KLHL1: variants seen among roughly 807,000 people sequenced by gnomAD.
KLHL1 encodes the protein kelch like family member 1.
Under a neutral mutation model 77.7 loss-of-function variants are expected in KLHL1, and 47 were observed. The ratio of observed to expected loss-of-function variants is 0.60; its 90% CI spans 0.48 to 0.77. KLHL1 has a LOEUF of 0.77. Among genes scored for constraint, KLHL1 ranks in the 30% least tolerant of loss-of-function variants. The probability of loss-of-function intolerance (pLI) is 0.00; values close to 1 mark genes in which losing one functional copy is unlikely to be tolerated. For synonymous variants in KLHL1, 360 were observed against 325.2 expected, an observed-to-expected ratio of 1.11 and a Z score of -1.15; for missense variants, 925 against 910.8, an observed-to-expected ratio of 1.02 and a Z score of -0.20.
intron 5 of KLHL1, among the ~76,000 whole-genome samples, chr13:69,853,537 G>A (rs1044491565): frequency 1.3e-5 from 2 of 151,922 alleles, no homozygotes; most frequent in African/African-American, 4.8e-5. Flanking sequence ...TTACACTTCT[G>A]TTCTTTACAC....
intron 5 of KLHL1, among the ~76,000 whole-genome samples, chr13:69,839,676 T>A (rs1203884759): frequency 1.3e-5 from 2 of 151,986 alleles, no homozygotes; most frequent in Non-Finnish European, 2.9e-5. Context: ...TTTAATTATA[T>A]AAGGAATTTA....
At chr13:69,926,416 C>G (rs2210449) in intron 4 of KLHL1, among the ~76,000 whole-genome samples, 124,764 of 152,098 alleles carry the variant, frequency 0.82, 52,447 homozygotes, top group Non-Finnish European at 0.92. Context: ...CATCAATATA[C>G]CAACAAAGCA....
chr13:69,718,866 A>T (rs1292851067), intron 9 of KLHL1, among the ~76,000 whole-genome samples: 1 of 152,138 alleles, frequency 6.6e-6, no homozygotes, highest in Non-Finnish European at 1.5e-5. Flanking sequence ...AGCTCCAATC[A>T]GTCTGTCTTA....
intron 1 of KLHL1, among the ~76,000 whole-genome samples, chr13:70,047,548 C>G (rs779880172): frequency 1.2e-4 from 18 of 151,996 alleles, no homozygotes; most frequent in Non-Finnish European, 2.5e-4. Context: ...TGTAGACAAC[C>G]CATTCCTTGA....
intron 1 of KLHL1, among the ~76,000 whole-genome samples, chr13:70,032,133 A>C (rs374412887): frequency 6.6e-6 from 1 of 152,236 alleles, no homozygotes; most frequent in African/African-American, 2.4e-5. Flanking sequence ...AACATTTAAA[A>C]GTATATCATC....
intron 8 of KLHL1, among the ~76,000 whole-genome samples, chr13:69,733,544 CAG>C (rs1219421035): frequency 1.4e-4 from 22 of 151,984 alleles, no homozygotes; most frequent in African/African-American, 5.1e-4. Flanking sequence ...GAAATAGAAA[CAG>C]AGAAAATTTT....
intron 5 of KLHL1, among the ~76,000 whole-genome samples, chr13:69,847,505 C>T (rs1879516977): frequency 6.6e-6 from 1 of 150,992 alleles, no homozygotes; most frequent in Admixed American, 6.6e-5. Context: ...GTCATGGAGT[C>T]CACTGCAAAA....
intron 4 of KLHL1, among the ~76,000 whole-genome samples, chr13:69,886,266 A>G (rs1209396319): frequency 6.6e-6 from 1 of 152,152 alleles, no homozygotes; most frequent in Non-Finnish European, 1.5e-5. Flanking sequence ...AGCTACAAAA[A>G]TAAAGACTAA....
chr13:69,850,959 G>A (rs1879660917), intron 5 of KLHL1, among the ~76,000 whole-genome samples: 1 of 151,508 alleles, frequency 6.6e-6, no homozygotes, highest in African/African-American at 2.4e-5. Flanking sequence ...TTTCTAAATA[G>A]CGTTTGAAGG....
In KLHL1 at chr13:69,857,689, A is replaced by T. The variant is rs181666974; in HGVS notation, c.1228-18527T>A. Among the ~76,000 whole-genome samples, 279 of 152,192 alleles carry T rather than the reference A, an allele frequency of 1.8e-3. 2 individuals are homozygous for T. The highest frequency in any genetic ancestry group is 6.3e-3 in the African/African-American group (262 of 41,576). ...GAATGTTTGTTCTCTGAAGTATTTC[A>T]GGGTTAAATTTAAGGTAAATCATTT... On this transcript the variant is annotated intron_variant, in intron 5 of 10. Coordinates refer to ENST00000377844, the MANE Select transcript of KLHL1 (RefSeq NM_020866.3).
chr13:69,707,747 GC>G lies in KLHL1; in HGVS notation c.2064del (p.Met688IlefsTer46). ...AGACAGACCCCAACAGCATCTCTGG[GC>G]ATACTCAAAGGAGCCACCATGGTCC... The part of the protein sequence containing the change: ...DTWTMVAPLS[M>X]PRDAVGVCLL... On this transcript the variant is annotated frameshift_variant, in exon 10 of 11. Coordinates refer to ENST00000377844, the MANE Select transcript of KLHL1 (RefSeq NM_020866.3). LOFTEE classifies it high-confidence loss of function. 1 of 1,612,752 alleles carries G rather than the reference GC, an allele frequency of 6.2e-7. No homozygotes were observed. The highest frequency in any genetic ancestry group is 8.5e-7 in the Non-Finnish European group (1 of 1,179,196).
At chr13:69,941,201 C>T (rs985007896) in intron 3 of KLHL1, among the ~76,000 whole-genome samples, 6 of 151,846 alleles carry the variant, frequency 4.0e-5, no homozygotes, top group African/African-American at 1.4e-4. Context: ...CAAGATAGAC[C>T]AGGAACAAGT....
intron 1 of KLHL1, among the ~76,000 whole-genome samples, chr13:70,005,616 T>C (rs1352636222): frequency 6.6e-6 from 1 of 151,958 alleles, no homozygotes; most frequent in Non-Finnish European, 1.5e-5. Flanking sequence ...GTATCTAGTA[T>C]TAATCATATG....
rs1555264293 is a variant in KLHL1, at chr13:69,736,701, T to TATAC, written c.1802+3692_1802+3693insGTAT. Among the ~76,000 whole-genome samples, 21 of 151,766 alleles carry TATAC rather than the reference T, an allele frequency of 1.4e-4. No homozygotes were observed. In the South Asian group the frequency reaches 3.5e-3, roughly 26 times the overall value. On this transcript the variant is annotated intron_variant, in intron 8 of 10. Coordinates refer to ENST00000377844, the MANE Select transcript of KLHL1 (RefSeq NM_020866.3). Reference sequence around the variant, plus strand: ...TGAGATATATATATGTATATATATATACACACACCATGGAATACTACTCAG... The same window carrying TATAC: ...TGAGATATATATATGTATATATATATATACACACACACCATGGAATACTACTCAG...
intron 6 of KLHL1, among the ~76,000 whole-genome samples, chr13:69,811,402 A>T (rs1877873873): frequency 6.6e-6 from 1 of 152,134 alleles, no homozygotes; most frequent in African/African-American, 2.4e-5. Flanking sequence ...TAGATAAAAA[A>T]AAAAAGCATT....
intron 1 of KLHL1, among the ~76,000 whole-genome samples, chr13:70,096,583 T>C (rs1445432626): frequency 6.6e-6 from 1 of 152,018 alleles, no homozygotes; most frequent in Non-Finnish European, 1.5e-5. Context: ...TTTGTTTTAC[T>C]TGTCTTTTAT....
intron 3 of KLHL1, among the ~76,000 whole-genome samples, chr13:69,953,899 A>G (rs561975752): frequency 4.0e-5 from 6 of 151,280 alleles, no homozygotes; most frequent in African/African-American, 1.5e-4. Context: ...ATGAATAATC[A>G]TCATAATTGA....
chr13:69,895,129 A>G lies in KLHL1; in HGVS notation c.1015-12634T>C, dbSNP rs1422627648. 6 of 463,144 alleles carry G rather than the reference A, an allele frequency of 1.3e-5. No individual in the cohort carries two copies. The East Asian group carries it at 2.8e-4, about 21-fold the overall frequency. 28.7% of individuals were successfully genotyped at this position (463,144 alleles called of 1,614,324 possible). On this transcript the variant is annotated intron_variant, in intron 4 of 10. Transcript: ENST00000377844. Reference sequence around the variant, plus strand: ...CTTCTAATGGTTTCATTTGTTCCTTATATATAATGAATTCTTCCTCCATGA... The same window carrying G: ...CTTCTAATGGTTTCATTTGTTCCTTGTATATAATGAATTCTTCCTCCATGA...
chr13:69,782,168 A>C (rs1876250785), intron 7 of KLHL1, among the ~76,000 whole-genome samples: 1 of 152,206 alleles, frequency 6.6e-6, no homozygotes, highest in South Asian at 2.1e-4. Flanking sequence ...TAAAGAAAAT[A>C]TAGTATTGGC....
Sources: allele counts gnomAD v4.1 joint callset (sites outside exome capture counted in the v4.1 genomes callset), GRCh38; gene constraint gnomAD v4.1.1; transcripts MANE v1.5; gene names NCBI Gene and HGNC (gene_info 2026-07-23, HGNC 2026-07-21).